The following COL4A1 variants were observed in gnomAD, a reference collection of about 807,000 sequenced individuals.
COL4A1 encodes the protein collagen type IV alpha 1 chain.
In COL4A1, 40 loss-of-function variants were observed where a neutral mutation model predicts 216.6. The observed-to-expected ratio is 0.18, with a 90% CI of 0.14 to 0.24. The LOEUF is 0.24. COL4A1 is among the 10% of genes least tolerant of loss of function. The pLI is 1.00. For missense variants in COL4A1, 1,628 were observed against 2,196.8 expected (o/e 0.74, Z 5.18); for synonymous variants, 839 against 810.7 (o/e 1.03, Z -0.59).
chr13:110,172,822 T>C (rs1460141369), intron 40 of COL4A1, 52 bp from the exon 41 acceptor site: 1 of 1,465,792 alleles, frequency 6.8e-7, no homozygotes, highest in African/African-American at 1.4e-5. Context: ...ACAATCCATC[T>C]GCAGGTACAA....
intron 17 of COL4A1, among the ~76,000 whole-genome samples, chr13:110,204,316 A>G (rs1196199457): frequency 6.6e-6 from 1 of 152,224 alleles, no homozygotes; most frequent in Non-Finnish European, 1.5e-5. Flanking sequence ...TTTTTCTTAT[A>G]TGAATACCAG....
intron 51 of COL4A1, 137 bp from the exon 52 acceptor site, chr13:110,150,581 T>A (rs955586186): frequency 1.2e-6 from 1 of 832,984 alleles, no homozygotes; most frequent in Non-Finnish European, 2.0e-6. Context: ...TACCACCCAG[T>A]GAGCAGGCAG....
chr13:110,263,982 A>T (rs920355269), intron 1 of COL4A1, among the ~76,000 whole-genome samples: 3 of 152,244 alleles, frequency 2.0e-5, no homozygotes, highest in African/African-American at 7.2e-5. Context: ...TAAAAACTGT[A>T]TCAAAAGAAA....
In COL4A1 at chr13:110,164,957, T is replaced by C; in HGVS notation, c.4055A>G (p.Tyr1352Cys). Residue 1352 changes from tyrosine (Y) to cysteine (C), a missense_variant, in exon 46 of 52, where the codon TAC (tyrosine) becomes TGC (cysteine). Tyr to Cys is a radical substitution (Grantham distance 194). This residue lies in a region of COL4A1 where 345 missense variants were observed against 476.9 expected (regional missense o/e 0.72). Transcript: ENST00000375820. ...CCCGGGCTCCCCTTTGATGATGTCG[T>C]AAGGACCTGGGGGGCCAGGAGGACC... Reference protein sequence around the residue: ...LPGPPGPPGPYDIIKGEPGLP... With the variant: ...LPGPPGPPGPCDIIKGEPGLP... The C allele has an allele frequency of 1.9e-6, 3 of 1,604,856 alleles. No individual in the cohort carries two copies. The highest frequency in any genetic ancestry group is 2.6e-6 in the Non-Finnish European group (3 of 1,176,174).
At chr13:110,196,915 T>C (rs1566366058) in intron 21 of COL4A1, among the ~76,000 whole-genome samples, 1 of 152,336 alleles carries the variant, frequency 6.6e-6, no homozygotes, top group Non-Finnish European at 1.5e-5. Flanking sequence ...ACAAATCTCA[T>C]TTCTAAATTA....
chr13:110,243,883 T>G (rs1006247803), intron 1 of COL4A1, among the ~76,000 whole-genome samples: 1 of 152,190 alleles, frequency 6.6e-6, no homozygotes. Flanking sequence ...CAACTTCAAT[T>G]TCCATTATGT....
Position 110,183,104 on chromosome 13 carries a change from T to A in COL4A1, c.1991-7A>T. ...CCGGGAAAGCCTCGGTCTCCTGTGG[T>A]GAGAAAGACCAACAGTCAGCGTGAG... On this transcript the variant is annotated splice_polypyrimidine_tract_variant and splice_region_variant and intron_variant, in intron 27 of 51. Coordinates refer to ENST00000375820, the MANE Select transcript of COL4A1 (RefSeq NM_001845.6). 2 of 1,612,216 alleles carry A rather than the reference T, an allele frequency of 1.2e-6. No homozygotes were observed. Among genetic ancestry groups the A allele is most frequent in the Non-Finnish European group, 1.7e-6 (2 of 1,179,186 alleles).
intron 1 of COL4A1, among the ~76,000 whole-genome samples, chr13:110,243,046 G>A (rs929489079): frequency 3.3e-5 from 5 of 152,160 alleles, no homozygotes; most frequent in African/African-American, 4.8e-5. Context: ...TGACTCCCTC[G>A]GGGATTAGTT....
chr13:110,261,978 C>T (rs1380414026), intron 1 of COL4A1, among the ~76,000 whole-genome samples: 3 of 152,092 alleles, frequency 2.0e-5, no homozygotes, highest in African/African-American at 4.8e-5. Flanking sequence ...TGTGACCGGG[C>T]GGGAAGCTGG....
chr13:110,197,630 C>T (rs768565793), intron 21 of COL4A1, among the ~76,000 whole-genome samples: 1 of 152,242 alleles, frequency 6.6e-6, no homozygotes, highest in Non-Finnish European at 1.5e-5. Flanking sequence ...CATTCCCCAT[C>T]GAAGCTGCCA....
At chr13:110,279,621 C>T (rs1158176085) in intron 1 of COL4A1, among the ~76,000 whole-genome samples, 1 of 152,204 alleles carries the variant, frequency 6.6e-6, no homozygotes, top group Non-Finnish European at 1.5e-5. Context: ...TTACTTGTGT[C>T]TTTTCTTGCA....
chr13:110,155,185 T>C (rs1876718004), intron 50 of COL4A1, 98 bp downstream of exon 50: 7 of 861,826 alleles, frequency 8.1e-6, no homozygotes, highest in African/African-American at 1.7e-5. Context: ...AGCAGCGAGA[T>C]GCAGAGAACT....
chr13:110,168,706 G>C (rs1400554735), intron 43 of COL4A1, among the ~76,000 whole-genome samples: 1 of 152,202 alleles, frequency 6.6e-6, no homozygotes, highest in South Asian at 2.1e-4. Flanking sequence ...CCCTTTAAGG[G>C]AGAACATGTG....
intron 22 of COL4A1, among the ~76,000 whole-genome samples, chr13:110,193,359 T>G (rs1391152972): frequency 2.6e-5 from 4 of 152,312 alleles, no homozygotes; most frequent in Non-Finnish European, 1.5e-5. Flanking sequence ...TTGGTGGACT[T>G]GGGAATAAGA....
rs115342222 is a variant in COL4A1, at chr13:110,194,436, C to T, written c.1381+587G>A. On this transcript the variant is annotated intron_variant, in intron 22 of 51. Coordinates refer to ENST00000375820, the MANE Select transcript of COL4A1 (RefSeq NM_001845.6). ...CCCCTCTAAGGCAGGACTGTTGATG[C>T]AGTGATAATCCACCTCTGTGTCTAG... Among the ~76,000 whole-genome samples the T allele has an allele frequency of 5.6e-3, 848 of 152,222 alleles. 8 individuals are homozygous for T. The highest frequency in any genetic ancestry group is 0.019 in the African/African-American group (782 of 41,528).
Position 110,170,589 on chromosome 13 carries a change from G to A in COL4A1, c.3700C>T (p.Pro1234Ser), listed in dbSNP as rs1241235809. 1.2e-6 allele frequency: 2 copies of A among 1,610,122 alleles called. No individual in the cohort carries two copies. The highest frequency in any genetic ancestry group is 2.2e-5 in the South Asian group (2 of 90,350). ...CCCTGAGGTCCGCGGTCTCCTTTGG[G>A]CCCCTCCGTGGCATGGCCTGGGGAT... is the stretch of plus-strand genomic sequence containing the variant. The part of the protein sequence containing the change: ...PGSPGHATEG[P>S]KGDRGPQGQP... The change falls in exon 42 of 52, where the codon CCC (proline) becomes TCC (serine). Residue 1234 changes from proline to serine, a missense_variant. Pro to Ser is a moderately conservative substitution (Grantham distance 74). Coordinates refer to ENST00000375820, the MANE Select transcript of COL4A1 (RefSeq NM_001845.6).
At chr13:110,287,248 CAG>C (rs1289267196) in intron 1 of COL4A1, among the ~76,000 whole-genome samples, 2 of 152,222 alleles carry the variant, frequency 1.3e-5, no homozygotes, top group Non-Finnish European at 2.9e-5. Flanking sequence ...ACAATAGTAA[CAG>C]AATTCCTTTA....
intron 11 of COL4A1, 50 bp from the exon 12 acceptor site, chr13:110,208,940 A>T (rs947018715): frequency 2.6e-6 from 4 of 1,568,608 alleles, no homozygotes; most frequent in Non-Finnish European, 2.6e-6. Context: ...TACTTCGTTC[A>T]AAGTCATTCT....
At chr13:110,227,879 G>A in intron 2 of COL4A1, among the ~76,000 whole-genome samples, 1 of 152,220 alleles carries the variant, frequency 6.6e-6, no homozygotes, top group Admixed American at 6.5e-5. Flanking sequence ...CAGGGAGGCA[G>A]CCCTGTCTCG....
Sources: allele counts gnomAD v4.1 joint callset (sites outside exome capture counted in the v4.1 genomes callset), GRCh38; gene constraint gnomAD v4.1.1; regional missense constraint gnomAD v4.1.1; transcripts MANE v1.5; gene names NCBI Gene and HGNC (gene_info 2026-07-23, HGNC 2026-07-21).